LUC7L2: variants seen among roughly 807,000 people sequenced by gnomAD.
LUC7L2 encodes LUC7 like 2, pre-mRNA splicing factor.
LUC7L2 carries 25 observed loss-of-function variants against 52.8 expected under a neutral mutation model. The ratio of observed to expected loss-of-function variants is 0.47; its 90% CI spans 0.34 to 0.66. The LOEUF (loss-of-function observed/expected upper bound fraction) is 0.66, where lower values mean the gene tolerates loss of function less well. Among genes scored for constraint, LUC7L2 ranks in the 30% least tolerant of loss-of-function variants. The pLI is 0.01. For missense variants in LUC7L2, 328 were observed against 497.8 expected (o/e 0.66, Z 3.25); for synonymous variants, 144 against 160.9 (o/e 0.89, Z 0.80).
Position 139,410,359 on chromosome 7 carries a change from G to GT in LUC7L2, c.779+713dup, listed in dbSNP as rs1242401147. Among the ~76,000 whole-genome samples, 10 of 151,740 alleles carry GT rather than the reference G, an allele frequency of 6.6e-5. No individual in the cohort carries two copies. In the South Asian group the frequency reaches 1.3e-3, roughly 19 times the overall value. On this transcript the variant is annotated intron_variant, in intron 7 of 9. Coordinates refer to ENST00000354926, the MANE Select transcript of LUC7L2 (RefSeq NM_016019.5). ...TTAAGGGTGGTTGTTTCATTGAAGG[G>GT]TTTTTTTTACATTGAACTTTGGTTA...
At chr7:139,400,625 C>G (rs1794869094) in intron 3 of LUC7L2, among the ~76,000 whole-genome samples, 1 of 152,122 alleles carries the variant, frequency 6.6e-6, no homozygotes, top group Non-Finnish European at 1.5e-5. Context: ...ATTTTATAGA[C>G]TTTTAAGTCC....
chr7:139,375,984 A>G lies in LUC7L2; in HGVS notation c.62-78A>G, dbSNP rs958287537. The G allele has an allele frequency of 1.1e-5, 16 of 1,452,246 alleles. 1 individual carries two copies. The South Asian group carries it at 1.8e-4, about 16-fold the overall frequency. 90.0% of individuals were successfully genotyped at this position (1,452,246 alleles called of 1,614,324 possible). ...TGTGTGTATATAGCCACACATAAAA[A>G]GCTAGTAATAGTAGGGCTCTCAGAA... On this transcript the variant is annotated intron_variant, in intron 1 of 9. Coordinates refer to ENST00000354926, the MANE Select transcript of LUC7L2 (RefSeq NM_016019.5).
intron 2 of LUC7L2, among the ~76,000 whole-genome samples, chr7:139,385,091 T>C (rs1655578089): frequency 6.6e-6 from 1 of 152,198 alleles, no homozygotes; most frequent in Non-Finnish European, 1.5e-5. Flanking sequence ...TCAGCACTTT[T>C]GTGTATTACT....
chr7:139,405,598 T>G, intron 4 of LUC7L2, 46 bp from the exon 5 acceptor site: 1 of 1,534,466 alleles, frequency 6.5e-7, no homozygotes, highest in Non-Finnish European at 8.7e-7. Flanking sequence ...AAATTTAAAA[T>G]TCATTCTCTT....
rs6967836 is a variant in LUC7L2, at chr7:139,395,198, G to A, written c.157-3401G>A. Among the ~76,000 whole-genome samples, 7 of 152,150 alleles carry A rather than the reference G, an allele frequency of 4.6e-5. No individual in the cohort carries two copies. In the South Asian group the frequency reaches 6.2e-4, roughly 14 times the overall value. The stretch of plus-strand genomic sequence containing the variant: ...TTTAGAAATTGTTAATTTCAGAAAC[G>A]TACTGCCTGGCATATCAAAGACAAT... On this transcript the variant is annotated intron_variant, in intron 2 of 9. Coordinates refer to ENST00000354926, the MANE Select transcript of LUC7L2 (RefSeq NM_016019.5).
chr7:139,364,010 G>T (rs201433626), intron 1 of LUC7L2, among the ~76,000 whole-genome samples: 1 of 113,232 alleles, frequency 8.8e-6, no homozygotes, highest in Non-Finnish European at 1.7e-5. Flanking sequence ...TTTTGAGACA[G>T]GGTCTCTGTT....
chr7:139,363,106 T>A, intron 1 of LUC7L2: 2 of 457,038 alleles, frequency 4.4e-6, no homozygotes, highest in Non-Finnish European at 5.8e-6. Context: ...TGCCAGGAGG[T>A]GGGAGAGAAA....
chr7:139,390,050 G>A (rs1005676791), intron 2 of LUC7L2, among the ~76,000 whole-genome samples: 1 of 152,094 alleles, frequency 6.6e-6, no homozygotes, highest in Non-Finnish European at 1.5e-5. Context: ...CTAGTGAGGA[G>A]ACTAAAGTGG....
intron 1 of LUC7L2, among the ~76,000 whole-genome samples, chr7:139,350,887 G>C (rs1272595543): frequency 6.6e-6 from 1 of 152,032 alleles, no homozygotes; most frequent in Admixed American, 6.6e-5. Context: ...TGTTGGCCAG[G>C]CTGGTCTCCG....
At chr7:139,405,223 G>A (rs1409791546) in intron 4 of LUC7L2, among the ~76,000 whole-genome samples, 6 of 152,164 alleles carry the variant, frequency 3.9e-5, no homozygotes, top group African/African-American at 1.4e-4. Context: ...GCAGGCGAGA[G>A]GTAAGGGATC....
intron 1 of LUC7L2, among the ~76,000 whole-genome samples, chr7:139,368,080 C>T (rs553508353): frequency 5.7e-4 from 87 of 152,320 alleles, no homozygotes; most frequent in African/African-American, 2.0e-3. Flanking sequence ...ATTTAATTTA[C>T]TCCATTGTGT....
intron 7 of LUC7L2, among the ~76,000 whole-genome samples, chr7:139,410,751 G>A (rs1011275428): frequency 4.6e-5 from 7 of 152,100 alleles, no homozygotes; most frequent in Admixed American, 4.6e-4. Flanking sequence ...AAAACCCTTT[G>A]TAGTATTAGG....
rs1426353303 is a variant in LUC7L2 at position 139,360,285 on chromosome 7, C to T, written c.24C>T (p.Arg8=). ...CCATGTCGGCGCAGGCCCAGATGCG[C>T]GCGATGCTGGACCAGTTGATGGGCA... MSAQAQM[R]AMLDQLMGTS... The change falls in exon 1 of 10, where the codon CGC becomes CGT. Residue 8 remains arginine, a synonymous_variant. Coordinates refer to ENST00000354926, the MANE Select transcript of LUC7L2 (RefSeq NM_016019.5). The T allele has an allele frequency of 6.4e-7, 1 of 1,570,194 alleles. No homozygotes were observed. The highest frequency in any genetic ancestry group is 8.6e-7 in the Non-Finnish European group (1 of 1,158,942).
chr7:139,420,019 G>A (rs1795815924), intron 9 of LUC7L2, among the ~76,000 whole-genome samples: 1 of 151,758 alleles, frequency 6.6e-6, no homozygotes, highest in Non-Finnish European at 1.5e-5. Context: ...ATGTTTTGCT[G>A]TTCTCCTTTC....
Position 139,366,131 on chromosome 7 carries a change from T to A in LUC7L2, c.61+5809T>A, listed in dbSNP as rs546457230. Among the ~76,000 whole-genome samples, 4 of 152,346 alleles carry A rather than the reference T, an allele frequency of 2.6e-5. No individual in the cohort carries two copies. The East Asian group carries it at 5.8e-4, about 22-fold the overall frequency. On this transcript the variant is annotated intron_variant, in intron 1 of 9. Transcript: ENST00000354926. Reference sequence around the variant, plus strand: ...CATGAAGTCCATTCAGCTGAATAAATGTCATATTTTGCTATTAGCATAGAA... The same window carrying A: ...CATGAAGTCCATTCAGCTGAATAAAAGTCATATTTTGCTATTAGCATAGAA...
chr7:139,399,448 G>GGTTTT (rs1794799799), intron 3 of LUC7L2, among the ~76,000 whole-genome samples: 1 of 83,124 alleles, frequency 1.2e-5, no homozygotes, highest in Non-Finnish European at 2.7e-5. Flanking sequence ...GTGTTTGGGG[G>GGTTTT]ATTTTTTTTT....
Position 139,422,592 on chromosome 7 carries a change from T to C in LUC7L2, c.*252T>C, listed in dbSNP as rs1372460014. On this transcript the variant is annotated 3_prime_UTR_variant, in exon 10 of 10. Coordinates refer to ENST00000354926, the MANE Select transcript of LUC7L2 (RefSeq NM_016019.5). Reference sequence around the variant, plus strand: ...TTATATAATAAGATGCTGATCTCTTTATTCTTTCAAGTAAGAGTGCTAGTG... The same window carrying C: ...TTATATAATAAGATGCTGATCTCTTCATTCTTTCAAGTAAGAGTGCTAGTG... 1.3e-6 allele frequency: 1 copy of C among 749,948 alleles called. No homozygotes were observed. Among genetic ancestry groups the C allele is most frequent in the East Asian group, 3.4e-5 (1 of 29,700 alleles). The allele number at this position is 749,948 out of a possible 1,614,324, so 46.5% of individuals were successfully genotyped here. A position where few individuals can be genotyped will look rare whatever the true frequency, so the allele number is the denominator to read the frequency against.
In LUC7L2 at chr7:139,407,215, G is replaced by C. The variant is rs779391940; in HGVS notation, c.552G>C (p.Gln184His). ...CTATGCCAGCTTCCAGTTTTCAGCA[G>C]CAGAAACTTCGAGTCTGTGAAGTCT... Reference protein sequence around the residue: ...RNSMPASSFQQQKLRVCEVCS... With the variant: ...RNSMPASSFQHQKLRVCEVCS... The change falls in exon 6 of 10, where the codon CAG (glutamine) becomes CAC (histidine). Residue 184 changes from glutamine (Q) to histidine (H), a missense_variant. By Grantham distance (24) the Gln-to-His change is conservative. Transcript: ENST00000354926. The C allele has an allele frequency of 6.2e-7, 1 of 1,611,442 alleles. No individual in the cohort carries two copies. Among genetic ancestry groups the C allele is most frequent in the Non-Finnish European group, 8.5e-7 (1 of 1,178,514 alleles).
chr7:139,390,176 C>T (rs1037946781), intron 2 of LUC7L2, among the ~76,000 whole-genome samples: 3 of 151,826 alleles, frequency 2.0e-5, no homozygotes, highest in Non-Finnish European at 4.4e-5. Context: ...ATGGATAATA[C>T]GAGGTAAAGA....
Sources: gnomAD v4.1 joint callset for allele counts (sites outside exome capture counted in the v4.1 genomes callset) on GRCh38, gnomAD v4.1.1 for gene constraint, MANE v1.5 for transcripts, NCBI Gene and HGNC (gene_info 2026-07-23, HGNC 2026-07-21) for gene names.